Variants in CEACAM21 observed in about 807,000 individuals in gnomAD.
CEACAM21 encodes CEA cell adhesion molecule 21.
CEACAM21 carries 38 observed loss-of-function variants against 33.2 expected under a neutral mutation model. The observed-to-expected ratio is 1.14, with a 90% confidence interval of 0.88 to 1.50. CEACAM21 has a LOEUF of 1.50. Ranked by LOEUF, CEACAM21 falls within the 40% of genes most tolerant of loss-of-function variation. CEACAM21 has a pLI of 0.00. For synonymous variants in CEACAM21, 156 were observed against 143.0 expected (o/e 1.09, Z -0.65); for missense variants, 385 against 364.6 (o/e 1.06, Z -0.46).
At chr19:41,583,345 G>A (rs2070455619) in intron 3 of CEACAM21, among the ~76,000 whole-genome samples, 1 of 152,124 alleles carries the variant, frequency 6.6e-6, no homozygotes, top group Non-Finnish European at 1.5e-5. Context: ...TCTCTAGGAA[G>A]TTTCAAACTT....
chr19:41,568,494 C>A (rs1168155415), intron 2 of CEACAM21, among the ~76,000 whole-genome samples: 2 of 152,130 alleles, frequency 1.3e-5, no homozygotes, highest in African/African-American at 4.8e-5. Context: ...TAGGTTCATT[C>A]TTCTGCATAT....
rs1555792853 is a variant in CEACAM21, at chr19:41,579,642, G to A, written c.700+14G>A. ...TGACTGTAAAATGTGAGTGACCCTC[G>A]GCCCCTCTCACTCCTTTCCTTGTAT... On this transcript the variant is annotated intron_variant, in intron 3 of 6. Coordinates refer to ENST00000401445, the MANE Select transcript of CEACAM21 (RefSeq NM_001098506.4). 1.1e-5 allele frequency: 16 copies of A among 1,505,852 alleles called. No individual in the cohort carries two copies. The highest frequency in any genetic ancestry group is 1.4e-5 in the African/African-American group (1 of 71,950). 93.3% of individuals were successfully genotyped at this position (1,505,852 alleles called of 1,614,324 possible).
At position 41,569,077 on chromosome 19, in the gene CEACAM21, G is replaced by T. The variant is rs371364983; in HGVS notation, c.-404+4021G>T. Among the ~76,000 whole-genome samples the T allele has an allele frequency of 3.0e-4, 46 of 152,220 alleles. 1 individual carries two copies. In the South Asian group the frequency reaches 6.2e-3, roughly 21 times the overall value. On this transcript the variant is annotated intron_variant, in intron 2 of 7. Coordinates refer to the CEACAM21 transcript ENST00000407170. ...CATAAAAGATAGCTTAAAAATTTTAGCAGTAGATAGCTAAGAATAAATTGT... is the reference window on the plus strand; with the variant it reads ...CATAAAAGATAGCTTAAAAATTTTATCAGTAGATAGCTAAGAATAAATTGT...
At position 41,586,498 on chromosome 19, in the gene CEACAM21, G is replaced by A. The variant is rs2070747237; in HGVS notation, c.*35G>A. On this transcript the variant is annotated 3_prime_UTR_variant, in exon 7 of 7. Transcript: ENST00000401445. ...CACTCTGACACAAACATTTACTGCT[G>A]GATCGACCACAAAGCAGATGTGGCT... 3.1e-6 allele frequency: 2 copies of A among 637,972 alleles called. 1 individual carries two copies. Among genetic ancestry groups the A allele is most frequent in the Non-Finnish European group, 6.0e-6 (2 of 334,008 alleles). The allele number at this position is 637,972 out of a possible 1,614,324, so 39.5% of individuals were successfully genotyped here.
At chr19:41,579,182 G>C in intron 2 of CEACAM21, 171 bp from the exon 3 acceptor site, 1 of 1,058,834 alleles carries the variant, frequency 9.4e-7, no homozygotes, top group Non-Finnish European at 1.4e-6. Context: ...GGTCTCTGAG[G>C]TCACTGTAGT....
chr19:41,584,614 G>C (rs981520853), intron 4 of CEACAM21, among the ~76,000 whole-genome samples, 171 bp downstream of exon 4: 1 of 152,108 alleles, frequency 6.6e-6, no homozygotes, highest in Non-Finnish European at 1.5e-5. Flanking sequence ...ACCCTGGGCT[G>C]CTTCCTCAAC....
chr19:41,585,572 C>A (rs1192103764), intron 5 of CEACAM21, 77 bp downstream of exon 5: 1 of 1,469,990 alleles, frequency 6.8e-7, no homozygotes, highest in Non-Finnish European at 9.5e-7. Flanking sequence ...CCAGTTACAC[C>A]CAGGGGCCTC....
At chr19:41,584,263 T>C in intron 3 of CEACAM21, 84 bp from the exon 4 acceptor site, 2 of 1,168,138 alleles carry the variant, frequency 1.7e-6, no homozygotes, top group Non-Finnish European at 1.3e-6. Flanking sequence ...CCTTCCTCCC[T>C]GACCATGCCC....
intron 1 of CEACAM21, among the ~76,000 whole-genome samples, chr19:41,563,268 G>C (rs2042013546): frequency 6.6e-6 from 1 of 152,148 alleles, no homozygotes; most frequent in African/African-American, 2.4e-5. Flanking sequence ...CTCTCCAAGG[G>C]GCAGGACACT....
chr19:41,556,695 C>G (rs1342539188), intron 1 of CEACAM21, among the ~76,000 whole-genome samples: 1 of 152,194 alleles, frequency 6.6e-6, no homozygotes, highest in Non-Finnish European at 1.5e-5. Context: ...GGAATTGAAC[C>G]CAGGCCATGG....
At chr19:41,578,117 G>A (rs2043090520) in intron 2 of CEACAM21, among the ~76,000 whole-genome samples, 1 of 152,190 alleles carries the variant, frequency 6.6e-6, no homozygotes. Context: ...CTGGGCAAGG[G>A]CAGAGCCTCA....
intron 2 of CEACAM21, among the ~76,000 whole-genome samples, chr19:41,578,561 G>A (rs901474758): frequency 1.3e-5 from 2 of 152,188 alleles, no homozygotes; most frequent in Admixed American, 6.5e-5. Context: ...TGGGGCATCT[G>A]TGGACCCCAG....
upstream of CEACAM21, among the ~76,000 whole-genome samples, chr19:41,571,727 T>C (rs2042625574): frequency 6.6e-6 from 1 of 152,212 alleles, no homozygotes; most frequent in Non-Finnish European, 1.5e-5. Flanking sequence ...GTTGGGGTCT[T>C]ACTCCTGGCC....
chr19:41,567,189 T>C lies in CEACAM21; in HGVS notation c.-404+2133T>C, dbSNP rs1446361688. ...GGCATGGGAATACAAAGGAATCAAT[T>C]AATTGCACATTAAGTATTTGTTAAG... On this transcript the variant is annotated intron_variant, in intron 2 of 7. Coordinates refer to the CEACAM21 transcript ENST00000407170. Among the ~76,000 whole-genome samples the C allele has an allele frequency of 2.0e-5, 3 of 152,174 alleles. No individual in the cohort carries two copies. In the East Asian group the frequency reaches 5.8e-4, roughly 29 times the overall value.
At chr19:41,584,093 A>C (rs1488036980) in intron 3 of CEACAM21, among the ~76,000 whole-genome samples, 1 of 152,204 alleles carries the variant, frequency 6.6e-6, no homozygotes, top group Non-Finnish European at 1.5e-5. Flanking sequence ...ACTAAAAAAC[A>C]CAGGAGCAGG....
chr19:41,564,797 TGA>T (rs1463965831), exon 2 of CEACAM21: 2 of 152,204 alleles, frequency 1.3e-5, no homozygotes, highest in African/African-American at 4.8e-5. Flanking sequence ...TGGGCTCCCT[TGA>T]GAGAGTCACG....
intron 3 of CEACAM21, among the ~76,000 whole-genome samples, chr19:41,581,595 T>G (rs1424560279): frequency 6.6e-6 from 1 of 152,204 alleles, no homozygotes; most frequent in African/African-American, 2.4e-5. Flanking sequence ...AAATGAGGTT[T>G]AATTGACTTA....
upstream of CEACAM21, among the ~76,000 whole-genome samples, chr19:41,573,585 C>T (rs1555790065): frequency 6.6e-6 from 1 of 152,148 alleles, no homozygotes; most frequent in African/African-American, 2.4e-5. Flanking sequence ...GCTATGAAGA[C>T]AAATAAAAGA....
At position 41,586,450 on chromosome 19, in the gene CEACAM21, C is replaced by T. The variant is rs560083131; in HGVS notation, c.*1-14C>T. On this transcript the variant is annotated splice_polypyrimidine_tract_variant and intron_variant, in intron 6 of 6. Transcript: ENST00000401445. ...AAGGCCTCAGGGGTCAAGACCTCTT[C>T]TCTGTTTTTACAGGAATTGCTACAC... The T allele has an allele frequency of 1.1e-5, 7 of 639,750 alleles. No homozygotes were observed. The highest frequency in any genetic ancestry group is 9.5e-5 in the South Asian group (7 of 73,488). 39.6% of individuals were successfully genotyped at this position (639,750 alleles called of 1,614,324 possible).
Sources: gnomAD v4.1 joint callset for allele counts (sites outside exome capture counted in the v4.1 genomes callset) on GRCh38, gnomAD v4.1.1 for gene constraint, MANE v1.5 for transcripts, NCBI Gene and HGNC (gene_info 2026-07-23, HGNC 2026-07-21) for gene names.